NMNAT2: variants seen among roughly 807,000 people sequenced by gnomAD.
The protein encoded by NMNAT2 is nicotinamide/nicotinic acid mononucleotide adenylyltransferase 2.
NMNAT2 carries 11 observed loss-of-function variants against 41.6 expected under a neutral mutation model. That is an observed-to-expected ratio of 0.26 (90% CI 0.17 to 0.44). The LOEUF (loss-of-function observed/expected upper bound fraction) is 0.44. Ranked by LOEUF, NMNAT2 falls within the 20% of genes least tolerant of loss-of-function variation. The probability of loss-of-function intolerance (pLI) is 1.00; values close to 1 mark genes in which losing one functional copy is unlikely to be tolerated. For synonymous variants in NMNAT2, 148 were observed against 151.2 expected (o/e 0.98, Z 0.16); for missense variants, 288 against 407.7 (o/e 0.71, Z 2.53).
intron 6 of NMNAT2, 98 bp from the exon 7 acceptor site, chr1:183,284,137 G>A (rs2102302059): frequency 6.9e-6 from 7 of 1,011,366 alleles, no homozygotes; most frequent in Non-Finnish European, 8.8e-6. Flanking sequence ...TATTGGGATG[G>A]GGTGGGGTGG....
intron 1 of NMNAT2, among the ~76,000 whole-genome samples, chr1:183,311,484 G>A (rs1487285727): frequency 6.6e-6 from 1 of 152,100 alleles, no homozygotes; most frequent in Non-Finnish European, 1.5e-5. Flanking sequence ...GCACTGGGAA[G>A]GTTATTTTCT....
intron 1 of NMNAT2, among the ~76,000 whole-genome samples, chr1:183,370,223 T>TACACACACACACACACACAC (rs57569629): frequency 8.9e-6 from 1 of 112,734 alleles, no homozygotes; most frequent in Non-Finnish European, 1.8e-5. Context: ...TATCAACACA[T>TACACACACACACACACACAC]ACACACACAC....
intron 1 of NMNAT2, among the ~76,000 whole-genome samples, chr1:183,336,509 A>G (rs929947053): frequency 2.0e-5 from 3 of 152,228 alleles, no homozygotes; most frequent in African/African-American, 7.2e-5. Flanking sequence ...CTGGTTATAT[A>G]TCATATCACT....
intron 1 of NMNAT2, among the ~76,000 whole-genome samples, chr1:183,301,025 A>G (rs1661836389): frequency 6.6e-6 from 1 of 152,222 alleles, no homozygotes; most frequent in Non-Finnish European, 1.5e-5. Context: ...GGATTGTTTA[A>G]GTGCTGAGTC....
chr1:183,318,709 A>G (rs559733597), intron 1 of NMNAT2, among the ~76,000 whole-genome samples: 2 of 152,290 alleles, frequency 1.3e-5, no homozygotes, highest in East Asian at 1.9e-4. Flanking sequence ...GAGAGCTTGT[A>G]GAGACACACA....
At chr1:183,354,598 A>G (rs139662061) in intron 1 of NMNAT2, among the ~76,000 whole-genome samples, 3 of 151,902 alleles carry the variant, frequency 2.0e-5, no homozygotes, top group African/African-American at 7.2e-5. Flanking sequence ...GACCTTGTTT[A>G]TAGAGACAGG....
At chr1:183,304,990 G>T in intron 1 of NMNAT2, 1 of 686,634 alleles carries the variant, frequency 1.5e-6, no homozygotes, top group Non-Finnish European at 2.1e-6. Flanking sequence ...GAGCCACTCC[G>T]GAAGTGTGGC....
intron 1 of NMNAT2, among the ~76,000 whole-genome samples, chr1:183,322,939 CT>C (rs980206018): frequency 2.8e-4 from 42 of 152,106 alleles, no homozygotes; most frequent in African/African-American, 8.4e-4. Flanking sequence ...TAAAACTAGA[CT>C]TTTTTTCTTT....
chr1:183,353,368 C>G (rs1663109268), intron 1 of NMNAT2, among the ~76,000 whole-genome samples: 1 of 152,166 alleles, frequency 6.6e-6, no homozygotes, highest in Non-Finnish European at 1.5e-5. Context: ...CTTTCCGAAA[C>G]AGTCAGTAGG....
At chr1:183,328,004 T>C (rs1016279541) in intron 1 of NMNAT2, among the ~76,000 whole-genome samples, 2 of 152,074 alleles carry the variant, frequency 1.3e-5, no homozygotes, top group African/African-American at 2.4e-5. Flanking sequence ...CGGTGGCTCA[T>C]CAACGTCAGC....
At chr1:183,275,178 G>T (rs1347938453) in intron 8 of NMNAT2, among the ~76,000 whole-genome samples, 1 of 152,194 alleles carries the variant, frequency 6.6e-6, no homozygotes, top group Non-Finnish European at 1.5e-5. Flanking sequence ...AGCCTTTCAG[G>T]TCTGCTAATT....
At chr1:183,400,659 C>A (rs1648782613) in intron 1 of NMNAT2, among the ~76,000 whole-genome samples, 2 of 152,212 alleles carry the variant, frequency 1.3e-5, no homozygotes, top group South Asian at 4.1e-4. Flanking sequence ...CCTGACTTCA[C>A]ACTGTACTAC....
At chr1:183,306,425 C>T (rs1437643044) in intron 1 of NMNAT2, among the ~76,000 whole-genome samples, 3 of 152,140 alleles carry the variant, frequency 2.0e-5, no homozygotes, top group Non-Finnish European at 2.9e-5. Flanking sequence ...TAAGCTAATA[C>T]GTTTCCAGTA....
intron 1 of NMNAT2, among the ~76,000 whole-genome samples, chr1:183,396,458 T>C (rs1046840444): frequency 1.3e-5 from 2 of 152,164 alleles, no homozygotes; most frequent in Admixed American, 6.5e-5. Context: ...CTCAAGCATG[T>C]GCACTAAGAG....
chr1:183,284,073 G>A, intron 6 of NMNAT2, 34 bp from the exon 7 acceptor site: 1 of 1,575,916 alleles, frequency 6.3e-7, no homozygotes. Context: ...GGGCATTAGG[G>A]AACAGGCTTC....
intron 1 of NMNAT2, among the ~76,000 whole-genome samples, chr1:183,297,205 C>G (rs1661725282): frequency 6.6e-6 from 1 of 151,460 alleles, no homozygotes; most frequent in South Asian, 2.1e-4. Context: ...CCAGTGCAGT[C>G]CAAGGGACCT....
chr1:183,305,244 G>C (rs893287460), intron 1 of NMNAT2, among the ~76,000 whole-genome samples: 2 of 151,652 alleles, frequency 1.3e-5, no homozygotes, highest in South Asian at 2.1e-4. Context: ...AAAAACACAT[G>C]AGAGAATTCT....
intron 1 of NMNAT2, among the ~76,000 whole-genome samples, chr1:183,322,239 A>C (rs1571597291): frequency 6.6e-6 from 1 of 152,336 alleles, no homozygotes; most frequent in East Asian, 1.9e-4. Flanking sequence ...CTGAGTCTGA[A>C]TTACATGGGT....
intron 1 of NMNAT2, among the ~76,000 whole-genome samples, chr1:183,417,704 G>A (rs183122467): frequency 3.0e-4 from 45 of 152,270 alleles, no homozygotes; most frequent in Non-Finnish European, 6.0e-4. Flanking sequence ...GGTGTGTCGG[G>A]CGCGAGTGTG....
Sources: gnomAD v4.1 joint callset for allele counts (sites outside exome capture counted in the v4.1 genomes callset) on GRCh38, gnomAD v4.1.1 for gene constraint, MANE v1.5 for transcripts, NCBI Gene and HGNC (gene_info 2026-07-23, HGNC 2026-07-21) for gene names.